PHLDB2: variants seen among roughly 807,000 people sequenced by gnomAD.
PHLDB2 encodes pleckstrin homology like domain family B member 2.
A neutral mutation model predicts 123.6 loss-of-function variants in PHLDB2; 71 were observed. That is an observed-to-expected ratio of 0.57 (90% CI 0.47 to 0.70). The LOEUF is 0.70. PHLDB2 is among the 30% of genes least tolerant of loss of function. The probability of loss-of-function intolerance (pLI) is 0.00; values close to 1 mark genes in which losing one functional copy is unlikely to be tolerated. For synonymous variants in PHLDB2, 547 were observed against 541.6 expected (o/e 1.01, Z -0.14); for missense variants, 1,446 against 1,519.5 (o/e 0.95, Z 0.80).
chr3:111,795,771 C>T (rs978767396), intron 1 of PHLDB2, among the ~76,000 whole-genome samples: 18 of 152,154 alleles, frequency 1.2e-4, no homozygotes, highest in Admixed American at 3.3e-4. Context: ...GTCACCCAGG[C>T]TGGAGTGCAA....
chr3:111,884,601 C>G lies in PHLDB2; in HGVS notation c.524C>G (p.Ser175Trp), dbSNP rs199513482. ...CTGGAAGGTCGGAAGGCATCTGGCT[C>G]GCTCCTGGCCATGTGGAATGGAAGT... is the stretch of plus-strand genomic sequence containing the variant. ...GGLEGRKASG[S>W]LLAMWNGSSL... is the part of the protein sequence containing the mutation. Residue 175 changes from serine (S) to tryptophan (W), a missense_variant, in exon 2 of 18, where the codon TCG becomes TGG. Ser to Trp is a radical substitution (Grantham distance 177). Coordinates refer to ENST00000431670, the MANE Select transcript of PHLDB2 (RefSeq NM_001134438.2). The G allele has an allele frequency of 5.6e-6, 9 of 1,613,980 alleles. No homozygotes were observed. The highest frequency in any genetic ancestry group is 1.1e-5 in the South Asian group (1 of 91,076).
intron 1 of PHLDB2, among the ~76,000 whole-genome samples, chr3:111,780,103 T>C (rs556468204): frequency 2.0e-5 from 3 of 151,600 alleles, no homozygotes; most frequent in African/African-American, 4.8e-5. Context: ...ATAGCTCTTC[T>C]GTGGTTTGGA....
intron 2 of PHLDB2, among the ~76,000 whole-genome samples, chr3:111,888,551 CTT>C (rs1376583440): frequency 6.6e-6 from 1 of 152,158 alleles, no homozygotes; most frequent in Non-Finnish European, 1.5e-5. Flanking sequence ...GAAGAAAACT[CTT>C]TGCAAGAATA....
chr3:111,912,445 G>A (rs2067940900), intron 2 of PHLDB2, among the ~76,000 whole-genome samples: 1 of 151,906 alleles, frequency 6.6e-6, no homozygotes, highest in Non-Finnish European at 1.5e-5. Context: ...GAGTTACATC[G>A]GTGTGTATCT....
At chr3:111,758,915 A>G (rs1262271046) in intron 1 of PHLDB2, among the ~76,000 whole-genome samples, 1 of 152,138 alleles carries the variant, frequency 6.6e-6, no homozygotes, top group African/African-American at 2.4e-5. Flanking sequence ...ACAGACAGAG[A>G]CAACAAGCTA....
chr3:111,813,434 T>C (rs1276798736), intron 1 of PHLDB2, among the ~76,000 whole-genome samples: 2 of 152,136 alleles, frequency 1.3e-5, no homozygotes, highest in South Asian at 2.1e-4. Context: ...TGTAAAATAA[T>C]TGACAGGTGA....
At chr3:111,756,749 G>T (rs2107992234) in intron 1 of PHLDB2, among the ~76,000 whole-genome samples, 1 of 152,246 alleles carries the variant, frequency 6.6e-6, no homozygotes. Flanking sequence ...AGCCTCGATG[G>T]TCTTTACAAT....
At chr3:111,864,093 A>C (rs988693894) in intron 1 of PHLDB2, among the ~76,000 whole-genome samples, 2 of 152,182 alleles carry the variant, frequency 1.3e-5, no homozygotes. Flanking sequence ...CATTTTGACA[A>C]CTAGCCAAAG....
At chr3:111,946,278 T>C (rs2070304602) in intron 9 of PHLDB2, among the ~76,000 whole-genome samples, 2 of 152,204 alleles carry the variant, frequency 1.3e-5, no homozygotes, top group Non-Finnish European at 2.9e-5. Flanking sequence ...TGCCTTGGCC[T>C]CCCAAAGTGC....
intron 1 of PHLDB2, among the ~76,000 whole-genome samples, chr3:111,830,955 GAGAAAGAAAGAAAGAA>G (rs1174297730): frequency 1.1e-4 from 7 of 63,704 alleles, no homozygotes; most frequent in African/African-American, 5.2e-4. Context: ...AAGAAAGAAA[GAGAAAGAAAGAAAGAA>G]AGAAAGAAAG....
intron 1 of PHLDB2, among the ~76,000 whole-genome samples, chr3:111,824,811 T>G (rs1195808041): frequency 1.3e-5 from 2 of 152,198 alleles, no homozygotes; most frequent in East Asian, 3.9e-4. Flanking sequence ...AGACGCAAAC[T>G]TCGTTGGACA....
At chr3:111,932,050 G>T (rs1027068454) in intron 5 of PHLDB2, among the ~76,000 whole-genome samples, 1 of 152,226 alleles carries the variant, frequency 6.6e-6, no homozygotes, top group African/African-American at 2.4e-5. Context: ...TCACTGCCAT[G>T]AAGTGGACTG....
At chr3:111,857,939 C>T (rs1175001440), upstream of PHLDB2, among the ~76,000 whole-genome samples, 2 of 152,184 alleles carry the variant, frequency 1.3e-5, no homozygotes, top group African/African-American at 2.4e-5. Flanking sequence ...TTTGACCCAG[C>T]AATCCCATTA....
chr3:111,856,128 C>T (rs1257249144), upstream of PHLDB2, among the ~76,000 whole-genome samples: 1 of 152,158 alleles, frequency 6.6e-6, no homozygotes, highest in Non-Finnish European at 1.5e-5. Context: ...GAGTATGATT[C>T]ATACAAATAT....
intron 7 of PHLDB2, 102 bp downstream of exon 7, chr3:111,939,732 G>A (rs1014728869): frequency 2.1e-5 from 26 of 1,218,538 alleles, no homozygotes; most frequent in South Asian, 7.8e-5. Context: ...GACAGATTAC[G>A]TAGTCTGCCA....
rs2060107405 is a variant in PHLDB2 at position 111,767,737 on chromosome 3, T to G, written c.-49+35034T>G. ...ATTCTCAACAGCTATCTCTTACCCTTGTAGGTATTCTTACCCTTGTAGGAA... is the reference window on the plus strand; with the variant it reads ...ATTCTCAACAGCTATCTCTTACCCTGGTAGGTATTCTTACCCTTGTAGGAA... On this transcript the variant is annotated intron_variant, in intron 1 of 17. Transcript: ENST00000393923. Among the ~76,000 whole-genome samples the G allele has an allele frequency of 2.0e-5, 3 of 152,356 alleles. No homozygotes were observed. In the South Asian group the frequency reaches 6.2e-4, roughly 32 times the overall value.
rs1159560562 is a variant in PHLDB2 at position 111,866,928 on chromosome 3, GGGGTGTGTGT to G, written c.-15+7354_-15+7363del. Among the ~76,000 whole-genome samples the G allele has an allele frequency of 7.0e-3, 568 of 81,160 alleles. 2 individuals are homozygous for G. Among genetic ancestry groups the G allele is most frequent in the Admixed American group, 0.014 (110 of 7,800 alleles). 53.2% of individuals were successfully genotyped at this position (81,160 alleles called of 152,430 possible). On this transcript the variant is annotated intron_variant, in intron 1 of 17. Coordinates refer to ENST00000431670, the MANE Select transcript of PHLDB2 (RefSeq NM_001134438.2). The stretch of plus-strand genomic sequence containing the variant: ...TCTCTTCCTTAACATAAGTTTCTAA[GGGGTGTGTGT>G]GTGTGTGTGTGTGTGTGTGTGTGTG...
At chr3:111,896,405 C>A (rs769865208) in intron 2 of PHLDB2, among the ~76,000 whole-genome samples, 1 of 151,456 alleles carries the variant, frequency 6.6e-6, no homozygotes, top group Non-Finnish European at 1.5e-5. Flanking sequence ...AGTGCAGTGG[C>A]GTGATCTCAG....
intron 1 of PHLDB2, among the ~76,000 whole-genome samples, chr3:111,753,960 A>G (rs976097099): frequency 2.0e-5 from 3 of 152,134 alleles, no homozygotes; most frequent in African/African-American, 7.2e-5. Flanking sequence ...AGATAGTTAT[A>G]GATATGCAGT....
Sources: gnomAD v4.1 joint callset for allele counts (sites outside exome capture counted in the v4.1 genomes callset) on GRCh38, gnomAD v4.1.1 for gene constraint, MANE v1.5 for transcripts, NCBI Gene and HGNC (gene_info 2026-07-23, HGNC 2026-07-21) for gene names.